Variants in KDM1A observed in about 807,000 individuals in gnomAD.
KDM1A encodes the protein lysine-specific histone demethylase 1A.
Under a neutral mutation model 109.4 loss-of-function variants are expected in KDM1A, and 49 were observed. That is an observed-to-expected ratio of 0.45 (90% CI 0.36 to 0.57). The LOEUF is 0.57. Among genes scored for constraint, KDM1A ranks in the 20% least tolerant of loss-of-function variants. The pLI, the probability that KDM1A is intolerant of heterozygous loss-of-function variation, is 0.00. For synonymous variants in KDM1A, 380 were observed against 415.4 expected (o/e 0.91, Z 1.04); for missense variants, 668 against 1,116.6 (o/e 0.60, Z 5.73).
chr1:23,030,962 A>G lies in KDM1A; in HGVS notation c.517+328A>G, dbSNP rs536356145. Among the ~76,000 whole-genome samples, 16 of 152,338 alleles carry G rather than the reference A, an allele frequency of 1.1e-4. No individual in the cohort carries two copies. In the South Asian group the frequency reaches 2.7e-3, roughly 26 times the overall value. Reference sequence around the variant, plus strand: ...GAGAAAATAAATGATTAGAAAAAACATACAGAAAGCCATATCCAAAGCACC... The same window carrying G: ...GAGAAAATAAATGATTAGAAAAAACGTACAGAAAGCCATATCCAAAGCACC... On this transcript the variant is annotated intron_variant, in intron 2 of 20. Coordinates refer to ENST00000400181, the MANE Select transcript of KDM1A (RefSeq NM_001009999.3).
At chr1:23,049,745 A>T (rs1205034711) in intron 3 of KDM1A, among the ~76,000 whole-genome samples, 1 of 152,128 alleles carries the variant, frequency 6.6e-6, no homozygotes, top group Non-Finnish European at 1.5e-5. Flanking sequence ...TGTATACACT[A>T]TATGTATATG....
chr1:23,057,676 G>A (rs1642871673), intron 8 of KDM1A, 111 bp downstream of exon 8: 14 of 755,510 alleles, frequency 1.9e-5, no homozygotes, highest in South Asian at 3.3e-5. Context: ...GTCATCTTCC[G>A]TTTAGTGAGA....
intron 12 of KDM1A, among the ~76,000 whole-genome samples, chr1:23,070,135 TATC>T (rs770252768): frequency 2.0e-5 from 3 of 152,256 alleles, no homozygotes; most frequent in Admixed American, 6.5e-5. Flanking sequence ...TCCTGTGTGG[TATC>T]ATCAGAAACC....
rs72657829 is a variant in KDM1A, at chr1:23,079,372, A to C, written c.2056-181A>C. Among the ~76,000 whole-genome samples the C allele has an allele frequency of 0.063, 9,523 of 152,282 alleles. 383 individuals are homozygous for C. Among genetic ancestry groups the C allele is most frequent in the Non-Finnish European group, 0.093 (6,358 of 68,022 alleles). On this transcript the variant is annotated intron_variant, in intron 17 of 20. Transcript: ENST00000400181. The surrounding 1 kb of genome is among the most constrained non-coding windows in gnomAD (Gnocchi z 5.6). Reference sequence around the variant, plus strand: ...ATCAAGTGTCTGTTCATATGGACTTAGTCTTATGGGGTCATTTCACAAACT... The same window carrying C: ...ATCAAGTGTCTGTTCATATGGACTTCGTCTTATGGGGTCATTTCACAAACT...
chr1:23,042,435 A>ATATTATTATTATTATTATTATTAT (rs1404004021), intron 2 of KDM1A, among the ~76,000 whole-genome samples: 1 of 58,518 alleles, frequency 1.7e-5, no homozygotes, highest in Non-Finnish European at 3.3e-5. Flanking sequence ...TCTATGAAAT[A>ATATTATTATTATTATTATTATTAT]TATTATTTTT....
At chr1:23,027,150 T>C (rs1157774162) in intron 1 of KDM1A, among the ~76,000 whole-genome samples, 1 of 152,084 alleles carries the variant, frequency 6.6e-6, no homozygotes, top group African/African-American at 2.4e-5. Context: ...CACACTACTA[T>C]TAAGTAGTAT....
chr1:23,030,609 T>G lies in KDM1A; in HGVS notation c.492T>G (p.Asn164Lys). ...CTCAAGCCCCACCTGAGGAAGAAAATGAAAGTGAGCCTGAAGAACCATCGG... is the reference window on the plus strand; with the variant it reads ...CTCAAGCCCCACCTGAGGAAGAAAAGGAAAGTGAGCCTGAAGAACCATCGG... ...PPPQAPPEEE[N>K]ESEPEEPSGQ... Residue 164 changes from asparagine (N) to lysine (K), a missense_variant, in exon 2 of 21, where the codon AAT (asparagine) becomes AAG (lysine). By Grantham distance (94) the Asn-to-Lys change is moderately conservative (BLOSUM62 0). This residue lies in a region of KDM1A where 149 missense variants were observed against 189.7 expected (regional missense o/e 0.79). Transcript: ENST00000400181. 6.4e-7 allele frequency: 1 copy of G among 1,558,578 alleles called. No homozygotes were observed. The highest frequency in any genetic ancestry group is 8.6e-7 in the Non-Finnish European group (1 of 1,157,000).
intron 4 of KDM1A, among the ~76,000 whole-genome samples, chr1:23,053,491 T>C (rs1204487600): frequency 6.6e-6 from 1 of 152,166 alleles, no homozygotes; most frequent in Non-Finnish European, 1.5e-5. Flanking sequence ...GCTCAAGCAG[T>C]CCTTCTGCCT....
Position 23,040,513 on chromosome 1 carries a change from T to G in KDM1A, c.518-3914T>G, listed in dbSNP as rs549650970. Among the ~76,000 whole-genome samples, 4 of 152,158 alleles carry G rather than the reference T, an allele frequency of 2.6e-5. No homozygotes were observed. In the South Asian group the frequency reaches 8.3e-4, roughly 32 times the overall value. ...TAAGCTGTATGAAGAGTCTCTACTT[T>G]AGGCCGATTGTGGTGGCTCACGCTC... is the stretch of plus-strand genomic sequence containing the variant. On this transcript the variant is annotated intron_variant, in intron 2 of 20. Transcript: ENST00000400181.
chr1:23,027,997 G>A (rs1641862855), intron 1 of KDM1A, among the ~76,000 whole-genome samples: 1 of 152,082 alleles, frequency 6.6e-6, no homozygotes, highest in Non-Finnish European at 1.5e-5. Context: ...GCTTCTACCT[G>A]TAGGTATTTT....
At chr1:23,066,548 T>C (rs774792043) in intron 10 of KDM1A, among the ~76,000 whole-genome samples, 1 of 152,202 alleles carries the variant, frequency 6.6e-6, no homozygotes, top group African/African-American at 2.4e-5. Context: ...AGCTTTAATC[T>C]GTACCATTTG....
intron 1 of KDM1A, among the ~76,000 whole-genome samples, chr1:23,030,189 G>C (rs780575876): frequency 2.0e-5 from 3 of 152,198 alleles, no homozygotes; most frequent in Non-Finnish European, 4.4e-5. Context: ...CAATTAAAAA[G>C]GTTTTTGAGG....
chr1:23,081,384 TA>T (rs1465067250), intron 18 of KDM1A, 61 bp from the exon 19 acceptor site: 2 of 1,594,632 alleles, frequency 1.3e-6, no homozygotes, highest in Non-Finnish European at 1.7e-6. Context: ...TGGGGCCTGA[TA>T]AGGAAGTTTT....
chr1:23,061,055 T>C (rs1454591504), intron 9 of KDM1A, among the ~76,000 whole-genome samples: 2 of 152,212 alleles, frequency 1.3e-5, no homozygotes, highest in Admixed American at 6.5e-5. Context: ...AACTTTTTTC[T>C]AGTAGAGATA....
At chr1:23,060,788 T>A (rs2124483682) in intron 9 of KDM1A, among the ~76,000 whole-genome samples, 1 of 152,184 alleles carries the variant, frequency 6.6e-6, no homozygotes, top group East Asian at 1.9e-4. Context: ...TGATTGTAGG[T>A]TGGAACTTGA....
intron 2 of KDM1A, among the ~76,000 whole-genome samples, chr1:23,033,514 C>G (rs565553864): frequency 6.6e-6 from 1 of 151,488 alleles, no homozygotes; most frequent in African/African-American, 2.4e-5. Context: ...AGCAAGACTC[C>G]GCCTTAAAAA....
At chr1:23,068,733 T>G (rs771839456) in intron 11 of KDM1A, 52 bp downstream of exon 11, 59 of 1,378,952 alleles carry the variant, frequency 4.3e-5, no homozygotes, top group Non-Finnish European at 1.0e-5. Flanking sequence ...TGTAAAGATT[T>G]GCTATTTATG....
At chr1:23,081,285 A>G (rs901027052) in intron 18 of KDM1A, 161 bp from the exon 19 acceptor site, 12 of 791,576 alleles carry the variant, frequency 1.5e-5, no homozygotes, top group African/African-American at 3.5e-5. Context: ...AGAGTTCTGT[A>G]TGCTGTTTCA....
chr1:23,033,533 AAAAAC>A (rs756511763), intron 2 of KDM1A, among the ~76,000 whole-genome samples: 4 of 152,186 alleles, frequency 2.6e-5, no homozygotes, highest in African/African-American at 4.8e-5. Flanking sequence ...AAAAAATCCA[AAAAAC>A]AAAACAAAAC....
Sources: gnomAD v4.1 joint callset for allele counts (sites outside exome capture counted in the v4.1 genomes callset) on GRCh38, gnomAD v4.1.1 for gene constraint, gnomAD v4.1.1 regional missense constraint, Gnocchi (gnomAD v3.1) non-coding constraint, MANE v1.5 for transcripts, NCBI Gene and HGNC (gene_info 2026-07-23, HGNC 2026-07-21) for gene names.